Variants in VPS37A observed in about 807,000 individuals in gnomAD.
The protein encoded by VPS37A is VPS37A subunit of ESCRT-I.
A neutral mutation model predicts 49.8 loss-of-function variants in VPS37A; 30 were observed. The observed-to-expected ratio is 0.60, with a 90% confidence interval of 0.45 to 0.82. The LOEUF (loss-of-function observed/expected upper bound fraction) is 0.82, where lower values mean the gene tolerates loss of function less well. Ranked by LOEUF, VPS37A falls within the 40% of genes least tolerant of loss-of-function variation. The probability of loss-of-function intolerance (pLI) is 0.00; values close to 1 mark genes in which losing one functional copy is unlikely to be tolerated. For synonymous variants in VPS37A, 195 were observed against 160.6 expected, an observed-to-expected ratio of 1.21 and a Z score of -1.62; for missense variants, 593 against 464.4, an observed-to-expected ratio of 1.28 and a Z score of -2.55.
chr8:17,283,047 G>A (rs1460324649), intron 9 of VPS37A, among the ~76,000 whole-genome samples: 1 of 152,164 alleles, frequency 6.6e-6, no homozygotes, highest in Non-Finnish European at 1.5e-5. Flanking sequence ...AAACATCCAT[G>A]TGAGCCATAT....
intron 4 of VPS37A, among the ~76,000 whole-genome samples, chr8:17,274,254 C>T (rs1046611034): frequency 6.6e-6 from 1 of 152,202 alleles, no homozygotes; most frequent in Non-Finnish European, 1.5e-5. Flanking sequence ...TTTAGAAGCT[C>T]ATCTGCATAC....
At chr8:17,332,527 T>C in the VPS37A span, among the ~76,000 whole-genome samples, 8 of 152,268 alleles carry the variant, frequency 5.3e-5, no homozygotes, top group African/African-American at 1.4e-4. Flanking sequence ...CTCTGAGGCT[T>C]ACGATGGGGT....
At chr8:17,253,130 T>A (rs1209561971) in intron 1 of VPS37A, among the ~76,000 whole-genome samples, 1 of 152,200 alleles carries the variant, frequency 6.6e-6, no homozygotes, top group Admixed American at 6.5e-5. Context: ...AAAAAAAAGT[T>A]ATGATAAGGC....
chr8:17,286,421 A>C lies in VPS37A; in HGVS notation c.1188A>C (p.Pro396=). The change falls in exon 11 of 12, where the codon CCA becomes CCC. Residue 396 remains proline, a synonymous_variant. Transcript: ENST00000324849. ...CAATGCACAGCCAATTTCATGCTCC[A>C]CTATAGGTAAATTGTATTTCAAGTT... is the stretch of plus-strand genomic sequence containing the variant. ...AIAMHSQFHA[P]L is the part of the protein sequence containing the mutation. The C allele has an allele frequency of 1.2e-6, 2 of 1,613,212 alleles. No individual in the cohort carries two copies. The highest frequency in any genetic ancestry group is 1.7e-6 in the Non-Finnish European group (2 of 1,179,534).
intron 1 of VPS37A, among the ~76,000 whole-genome samples, chr8:17,249,285 TAA>T (rs887000033): frequency 6.6e-6 from 1 of 152,210 alleles, no homozygotes; most frequent in African/African-American, 2.4e-5. Flanking sequence ...ATTGTTAATG[TAA>T]AGAGTTCTGG....
chr8:17,258,087 A>C (rs763501131), intron 1 of VPS37A, among the ~76,000 whole-genome samples: 1 of 152,042 alleles, frequency 6.6e-6, no homozygotes, highest in Non-Finnish European at 1.5e-5. Flanking sequence ...ACATTGTGTC[A>C]TCCGCGAACA....
chr8:17,254,659 C>A (rs1208313851), intron 1 of VPS37A, among the ~76,000 whole-genome samples: 1 of 151,542 alleles, frequency 6.6e-6, no homozygotes, highest in African/African-American at 2.4e-5. Flanking sequence ...TCACTCCTTT[C>A]TTACATGTAA....
Position 17,284,465 on chromosome 8 carries a change from T to C in VPS37A, c.970-8T>C. 1 of 1,555,060 alleles carries C rather than the reference T, an allele frequency of 6.4e-7. No individual in the cohort carries two copies. Among genetic ancestry groups the C allele is most frequent in the South Asian group, 1.2e-5 (1 of 80,362 alleles). On this transcript the variant is annotated splice_polypyrimidine_tract_variant and splice_region_variant and intron_variant, in intron 9 of 11. Transcript: ENST00000324849. ...TAAATTAAAGTAGTGCCTGATTTTC[T>C]TTTTCAGAGCTGTAGTGCAAGTGCC...
downstream of VPS37A, among the ~76,000 whole-genome samples, chr8:17,304,162 C>T (rs1284739675): frequency 6.6e-6 from 1 of 152,124 alleles, no homozygotes; most frequent in Non-Finnish European, 1.5e-5. Flanking sequence ...TATAAAACAT[C>T]ACCTCCTGAA....
intron 5 of VPS37A, among the ~76,000 whole-genome samples, chr8:17,275,866 T>C (rs1196171544): frequency 6.6e-6 from 1 of 152,190 alleles, no homozygotes. Context: ...ACCTTTCATT[T>C]ATTGTGTTAA....
chr8:17,311,488 A>T, the VPS37A span: 7 of 1,613,938 alleles, frequency 4.3e-6, no homozygotes, highest in East Asian at 1.3e-4. Context: ...CGCCTGTGGG[A>T]ATCGCCCAGT....
rs534931363 is a variant in VPS37A at position 17,260,296 on chromosome 8, A to G, written c.126-5611A>G. On this transcript the variant is annotated intron_variant, in intron 1 of 11. Coordinates refer to ENST00000324849, the MANE Select transcript of VPS37A (RefSeq NM_152415.3). The stretch of plus-strand genomic sequence containing the variant: ...TGTAATAAGTTATTTCAAAGAGACA[A>G]TAACTTAGATCACAAAGAAAAGAAC... Among the ~76,000 whole-genome samples, 7 of 152,284 alleles carry G rather than the reference A, an allele frequency of 4.6e-5. No individual in the cohort carries two copies. The East Asian group carries it at 9.6e-4, about 21-fold the overall frequency.
downstream of VPS37A, chr8:17,305,639 C>T (rs1817399259): frequency 6.5e-6 from 5 of 763,854 alleles, no homozygotes; most frequent in South Asian, 7.6e-5. Flanking sequence ...ACTAATCTGT[C>T]AGTATAGGTA....
chr8:17,302,219 C>A, downstream of VPS37A: 1 of 1,614,104 alleles, frequency 6.2e-7, no homozygotes, highest in Non-Finnish European at 8.5e-7. Flanking sequence ...ATTAGGTAAT[C>A]TGTAACTGAC....
intron 11 of VPS37A, among the ~76,000 whole-genome samples, chr8:17,291,087 C>T (rs1436773570): frequency 6.6e-6 from 1 of 152,194 alleles, no homozygotes; most frequent in Non-Finnish European, 1.5e-5. Context: ...GATCTTGGCT[C>T]ACTGCAGCCT....
the VPS37A span, chr8:17,309,266 A>G: frequency 2.7e-6 from 4 of 1,499,716 alleles, no homozygotes; most frequent in Non-Finnish European, 2.8e-6. Context: ...ACAGTCTTAA[A>G]TATTACTTAC....
the VPS37A span, among the ~76,000 whole-genome samples, chr8:17,329,703 G>A: frequency 1.3e-5 from 2 of 152,294 alleles, no homozygotes. Flanking sequence ...AAGTCAGACT[G>A]CCTTTCCAAT....
chr8:17,299,769 A>G (rs917621592), downstream of VPS37A: 4 of 1,524,788 alleles, frequency 2.6e-6, no homozygotes, highest in Non-Finnish European at 2.7e-6. Flanking sequence ...AATGACATGC[A>G]CCATTTCCTG....
chr8:17,284,620 T>C lies in VPS37A; in HGVS notation c.1113+4T>C. 1 of 1,590,390 alleles carries C rather than the reference T, an allele frequency of 6.3e-7. No individual in the cohort carries two copies. The highest frequency in any genetic ancestry group is 8.5e-7 in the Non-Finnish European group (1 of 1,172,296). Reference sequence around the variant, plus strand: ...TAGCTTCATGGAAAAGAGAACAGTATGTAATACTCGTCAGTTGAGGACAAG... The same window carrying C: ...TAGCTTCATGGAAAAGAGAACAGTACGTAATACTCGTCAGTTGAGGACAAG... On this transcript the variant is annotated splice_donor_region_variant and intron_variant, in intron 10 of 11. Coordinates refer to ENST00000324849, the MANE Select transcript of VPS37A (RefSeq NM_152415.3).
Sources: allele counts gnomAD v4.1 joint callset (sites outside exome capture counted in the v4.1 genomes callset), GRCh38; gene constraint gnomAD v4.1.1; transcripts MANE v1.5; gene names NCBI Gene and HGNC (gene_info 2026-07-23, HGNC 2026-07-21).